Variants in LOC128462377 observed in about 807,000 individuals in gnomAD.
chr16:89,366,300 G>A, the LOC128462377 span, among the ~76,000 whole-genome samples: 1 of 152,244 alleles, frequency 6.6e-6, no homozygotes, highest in Admixed American at 6.5e-5. Context: ...TCGCCCGCAT[G>A]TGTCTTTATG....
chr16:89,386,428 C>T, the LOC128462377 span, among the ~76,000 whole-genome samples: 1 of 152,184 alleles, frequency 6.6e-6, no homozygotes, highest in Non-Finnish European at 1.5e-5. Context: ...CGCCAGAAAC[C>T]CAGCCACTGG....
the LOC128462377 span, among the ~76,000 whole-genome samples, chr16:89,331,771 C>G: frequency 5.9e-5 from 9 of 152,324 alleles, no homozygotes; most frequent in Admixed American, 5.2e-4. Flanking sequence ...CAGGCATGAA[C>G]CACCACACCT....
the LOC128462377 span, among the ~76,000 whole-genome samples, chr16:89,393,786 C>A: frequency 2.0e-5 from 3 of 152,118 alleles, no homozygotes; most frequent in African/African-American, 7.2e-5. Flanking sequence ...CAGAGCTCTG[C>A]ATGGCATCTC....
At chr16:89,355,259 G>A in the LOC128462377 span, among the ~76,000 whole-genome samples, 9 of 150,732 alleles carry the variant, frequency 6.0e-5, no homozygotes, top group Non-Finnish European at 1.2e-4. Flanking sequence ...CCTGAGGCTC[G>A]GAAGGCGGGC....
the LOC128462377 span, among the ~76,000 whole-genome samples, chr16:89,384,065 C>A: frequency 6.6e-6 from 1 of 152,114 alleles, no homozygotes; most frequent in Non-Finnish European, 1.5e-5. Flanking sequence ...ATTAAAAACA[C>A]AAAAATTAGC....
At chr16:89,337,429 C>CTTTGTTTTTT in the LOC128462377 span, among the ~76,000 whole-genome samples, 1 of 53,118 alleles carries the variant, frequency 1.9e-5, no homozygotes, top group Non-Finnish European at 3.2e-5. Context: ...CTAAGCAATT[C>CTTTGTTTTTT]TTTTTTTTTT....
the LOC128462377 span, among the ~76,000 whole-genome samples, chr16:89,344,415 G>A: frequency 5.3e-5 from 8 of 152,232 alleles, no homozygotes; most frequent in South Asian, 2.1e-4. Context: ...TCCAGACCCC[G>A]TCAGGGCCAA....
chr16:89,345,105 T>C, the LOC128462377 span, among the ~76,000 whole-genome samples: 52 of 151,860 alleles, frequency 3.4e-4, no homozygotes, highest in African/African-American at 1.2e-3. Flanking sequence ...CTTCACGGCC[T>C]GAAAGGGCAC....
At chr16:89,374,694 C>T in the LOC128462377 span, among the ~76,000 whole-genome samples, 1 of 152,204 alleles carries the variant, frequency 6.6e-6, no homozygotes, top group Non-Finnish European at 1.5e-5. Flanking sequence ...GGGAAAAGCA[C>T]TTCAACTCTG....
the LOC128462377 span, among the ~76,000 whole-genome samples, chr16:89,385,807 C>A: frequency 6.6e-6 from 1 of 152,252 alleles, no homozygotes. Context: ...TGCCTCACCC[C>A]CGCCGCTGCG....
the LOC128462377 span, among the ~76,000 whole-genome samples, chr16:89,383,644 G>A: frequency 6.6e-6 from 1 of 152,060 alleles, no homozygotes; most frequent in East Asian, 1.9e-4. Flanking sequence ...CAGCAACGCA[G>A]CAGACGTCGA....
the LOC128462377 span, among the ~76,000 whole-genome samples, chr16:89,417,315 A>T: frequency 6.6e-6 from 1 of 152,326 alleles, no homozygotes; most frequent in Admixed American, 6.5e-5. Flanking sequence ...TGGAATGTTC[A>T]CTTTAAAACC....
the LOC128462377 span, among the ~76,000 whole-genome samples, chr16:89,354,829 G>C: frequency 6.6e-6 from 1 of 151,942 alleles, no homozygotes; most frequent in Non-Finnish European, 1.5e-5. Flanking sequence ...GGAGGTTGCA[G>C]TGAGCCGAGA....
chr16:89,318,816 G>A, the LOC128462377 span, among the ~76,000 whole-genome samples: 26 of 152,346 alleles, frequency 1.7e-4, no homozygotes, highest in Admixed American at 8.5e-4. Context: ...TCGGGTCAAC[G>A]TATTCACTGC....
At chr16:89,344,260 G>C in the LOC128462377 span, among the ~76,000 whole-genome samples, 8 of 152,120 alleles carry the variant, frequency 5.3e-5, no homozygotes, top group African/African-American at 7.2e-5. Context: ...ACTTTCATAC[G>C]TTATTTTATT....
At chr16:89,392,523 G>A in the LOC128462377 span, 1 of 152,008 alleles carries the variant, frequency 6.6e-6, no homozygotes, top group South Asian at 2.1e-4. Flanking sequence ...TTTTCCATGA[G>A]CAGCACTGTG....
At chr16:89,327,288 G>GA in the LOC128462377 span, among the ~76,000 whole-genome samples, 1 of 152,136 alleles carries the variant, frequency 6.6e-6, no homozygotes, top group African/African-American at 2.4e-5. Flanking sequence ...AAATTCCTAG[G>GA]AAAACAGGAG....
At chr16:89,378,293 G>C in the LOC128462377 span, among the ~76,000 whole-genome samples, 1 of 152,116 alleles carries the variant, frequency 6.6e-6, no homozygotes, top group Non-Finnish European at 1.5e-5. Flanking sequence ...TTAAATACTC[G>C]GGGTATAAAA....
chr16:89,405,491 ATTT>A, the LOC128462377 span, among the ~76,000 whole-genome samples: 3 of 111,452 alleles, frequency 2.7e-5, no homozygotes, highest in Non-Finnish European at 1.8e-5. Flanking sequence ...CACCTGGCTC[ATTT>A]TTTTTTTTTT....
Sources: allele counts gnomAD v4.1 joint callset (sites outside exome capture counted in the v4.1 genomes callset), GRCh38; gene constraint gnomAD v4.1.1; transcripts MANE v1.5.